Variants in DOCK7 observed in about 807,000 individuals in gnomAD.
DOCK7 encodes the protein dedicator of cytokinesis protein 7.
In DOCK7, 138 loss-of-function variants were observed where a neutral mutation model predicts 271.0. The ratio of observed to expected loss-of-function variants is 0.51; its 90% CI spans 0.44 to 0.59. The LOEUF (loss-of-function observed/expected upper bound fraction) is 0.59, where lower values mean the gene tolerates loss of function less well. Ranked by LOEUF, DOCK7 falls within the 20% of genes least tolerant of loss-of-function variation. The pLI is 0.00. For synonymous variants in DOCK7, 823 were observed against 876.1 expected (o/e 0.94, Z 1.07); for missense variants, 2,066 against 2,592.4 (o/e 0.80, Z 4.41).
At chr1:62,485,296 T>C in intron 43 of DOCK7, 1 of 985,388 alleles carries the variant, frequency 1.0e-6, no homozygotes, top group Non-Finnish European at 1.2e-6. Context: ...TTTATTATTT[T>C]GCATGGTAAA....
In DOCK7 at chr1:62,595,098, T is replaced by C. The variant is rs553332355; in HGVS notation, c.1683-8474A>G. 1.8e-4 allele frequency among the ~76,000 whole-genome samples: 27 copies of C among 152,292 alleles called. 1 individual carries two copies. In the East Asian group the frequency reaches 2.5e-3, roughly 14 times the overall value. ...TTTCTTACCCTTTTGTGGTTCTATA[T>C]TGGACACTTAAAAATCATACACAAC... On this transcript the variant is annotated intron_variant, in intron 14 of 49. Transcript: ENST00000635253.
At chr1:62,530,991 G>C (rs1007925397) in intron 29 of DOCK7, 1 of 152,168 alleles carries the variant, frequency 6.6e-6, no homozygotes. Flanking sequence ...AGGGTCGGTG[G>C]GTGGAAAGTA....
intron 24 of DOCK7, 29 bp from the exon 25 acceptor site, chr1:62,542,732 T>G: frequency 6.3e-7 from 1 of 1,595,116 alleles, no homozygotes; most frequent in Non-Finnish European, 8.6e-7. Flanking sequence ...AAAGTTATTA[T>G]CAAAGTCAAA....
chr1:62,641,524 G>T (rs1571874573), intron 7 of DOCK7: 1 of 458,414 alleles, frequency 2.2e-6, no homozygotes, highest in South Asian at 1.6e-5. Context: ...AGGGTCCTCA[G>T]AAAGGATTGG....
intron 48 of DOCK7, among the ~76,000 whole-genome samples, chr1:62,473,071 G>C (rs1029165622): frequency 6.6e-6 from 1 of 152,178 alleles, no homozygotes. Flanking sequence ...ACAGGCACCA[G>C]TATAACTATA....
chr1:62,669,430 C>T (rs1659680769), intron 1 of DOCK7, among the ~76,000 whole-genome samples: 2 of 152,234 alleles, frequency 1.3e-5, no homozygotes, highest in African/African-American at 4.8e-5. Context: ...CACACTACTT[C>T]AGAAGCACCT....
intron 48 of DOCK7, 23 bp from the exon 49 acceptor site, chr1:62,457,728 A>G (rs1192763744): frequency 6.2e-7 from 1 of 1,607,174 alleles, no homozygotes; most frequent in Non-Finnish European, 8.5e-7. Flanking sequence ...GGATGTTATC[A>G]AGATATTACT....
chr1:62,643,023 T>A (rs1213796504), intron 7 of DOCK7, among the ~76,000 whole-genome samples: 2 of 152,030 alleles, frequency 1.3e-5, no homozygotes, highest in Non-Finnish European at 2.9e-5. Context: ...CCACAAGAGG[T>A]CTTACAGCTT....
At chr1:62,519,012 C>T (rs911982609) in intron 31 of DOCK7, among the ~76,000 whole-genome samples, 23 of 151,578 alleles carry the variant, frequency 1.5e-4, no homozygotes, top group African/African-American at 5.3e-4. Flanking sequence ...GCTATACACA[C>T]ACACACACAC....
At chr1:62,644,526 T>C (rs969405513) in intron 7 of DOCK7, among the ~76,000 whole-genome samples, 2 of 152,196 alleles carry the variant, frequency 1.3e-5, no homozygotes, top group Non-Finnish European at 2.9e-5. Context: ...TACAGAACAC[T>C]TACTCCTGGG....
intron 33 of DOCK7, among the ~76,000 whole-genome samples, chr1:62,512,016 T>C (rs1477094214): frequency 2.0e-5 from 3 of 152,190 alleles, no homozygotes; most frequent in Middle Eastern, 6.4e-3. Flanking sequence ...AAGACTTCAA[T>C]TGTTATATTC....
At chr1:62,634,721 A>G in intron 9 of DOCK7, 52 bp downstream of exon 9, 1 of 1,521,706 alleles carries the variant, frequency 6.6e-7, no homozygotes, top group Non-Finnish European at 8.9e-7. Context: ...ATACTGACAG[A>G]CAAGTATACA....
intron 19 of DOCK7, among the ~76,000 whole-genome samples, chr1:62,560,345 T>C (rs184900049): frequency 6.6e-6 from 1 of 152,252 alleles, no homozygotes; most frequent in East Asian, 1.9e-4. Context: ...TTTACCAATA[T>C]AGTTTCAGCT....
At chr1:62,478,043 G>A (rs1026111229) in intron 43 of DOCK7, 41 of 459,410 alleles carry the variant, frequency 8.9e-5, no homozygotes, top group Middle Eastern at 1.2e-3. Flanking sequence ...CTACTAACAA[G>A]TGACTAAATC....
At chr1:62,481,211 A>G (rs1014855267) in intron 43 of DOCK7, among the ~76,000 whole-genome samples, 1 of 152,156 alleles carries the variant, frequency 6.6e-6, no homozygotes, top group African/African-American at 2.4e-5. Context: ...CAGGAAGGTA[A>G]GCAGTGTGGT....
chr1:62,641,356 GAGGGCAGC>G (rs1557846145), intron 7 of DOCK7: 1 of 403,586 alleles, frequency 2.5e-6, no homozygotes, highest in Admixed American at 2.9e-5. Flanking sequence ...ACACAACCTT[GAGGGCAGC>G]AGGAACCACA....
chr1:62,671,359 G>A (rs187167542), intron 1 of DOCK7, among the ~76,000 whole-genome samples: 7 of 152,252 alleles, frequency 4.6e-5, no homozygotes, highest in Admixed American at 1.3e-4. Context: ...TAATTCCTTC[G>A]CCAGAAAAGT....
intron 11 of DOCK7, among the ~76,000 whole-genome samples, chr1:62,627,046 C>T (rs986710540): frequency 6.6e-6 from 1 of 152,046 alleles, no homozygotes; most frequent in Non-Finnish European, 1.5e-5. Context: ...ATGCCATGAC[C>T]AAGCAAGACT....
intron 14 of DOCK7, chr1:62,602,345 G>A (rs1192056487): frequency 6.2e-7 from 1 of 1,610,818 alleles, no homozygotes; most frequent in African/African-American, 1.3e-5. Flanking sequence ...AATGAAACGT[G>A]GGAGAACTAC....
Sources: gnomAD v4.1 joint callset for allele counts (sites outside exome capture counted in the v4.1 genomes callset) on GRCh38, gnomAD v4.1.1 for gene constraint, MANE v1.5 for transcripts, NCBI Gene and HGNC (gene_info 2026-07-23, HGNC 2026-07-21) for gene names.